The following CCDC171 variants were observed in gnomAD, a reference collection of about 807,000 sequenced individuals.
CCDC171 encodes coiled-coil domain-containing protein 171.
Under a neutral mutation model 168.2 loss-of-function variants are expected in CCDC171, and 177 were observed. That is an observed-to-expected ratio of 1.05 (90% confidence interval 0.93 to 1.19). CCDC171 has a LOEUF of 1.19. CCDC171 is among the 50% of genes most tolerant of loss of function. The pLI, the probability that CCDC171 is intolerant of heterozygous loss-of-function variation, is 0.00. For missense variants in CCDC171, 1,991 were observed against 1,539.0 expected (o/e 1.29, Z -4.91); for synonymous variants, 687 against 540.8 (o/e 1.27, Z -3.75).
the CCDC171 span, among the ~76,000 whole-genome samples, chr9:16,087,723 T>A: frequency 6.6e-6 from 1 of 152,104 alleles, no homozygotes; most frequent in African/African-American, 2.4e-5. Context: ...TGTCTTCTAA[T>A]TGGGGCATTT....
intron 7 of CCDC171, among the ~76,000 whole-genome samples, chr9:15,628,059 G>T (rs990704336): frequency 6.6e-6 from 1 of 152,090 alleles, no homozygotes; most frequent in Non-Finnish European, 1.5e-5. Context: ...CAAGATGGCC[G>T]AATAGGAACA....
intron 10 of CCDC171, 99 bp from the exon 11 acceptor site, chr9:15,695,136 T>A: frequency 1.4e-6 from 1 of 735,736 alleles, no homozygotes; most frequent in African/African-American, 1.8e-5. Flanking sequence ...TTGAATGGAA[T>A]CATTATCTTG....
intron 1 of CCDC171, 143 bp from the exon 2 acceptor site, chr9:15,563,835 A>G (rs1485296222): frequency 8.0e-6 from 3 of 376,368 alleles, no homozygotes; most frequent in Non-Finnish European, 1.4e-5. Flanking sequence ...TCTTTTGGTG[A>G]TCTTCTGAGG....
At chr9:16,029,464 G>C (rs1183751117) in intron 6 of CCDC171, among the ~76,000 whole-genome samples, 1 of 152,214 alleles carries the variant, frequency 6.6e-6, no homozygotes, top group Non-Finnish European at 1.5e-5. Flanking sequence ...GACAAAAGCT[G>C]TGTGGCCACA....
chr9:15,613,252 A>G (rs1406117222), intron 6 of CCDC171, among the ~76,000 whole-genome samples: 1 of 152,192 alleles, frequency 6.6e-6, no homozygotes, highest in Non-Finnish European at 1.5e-5. Flanking sequence ...TCTTAGTGGC[A>G]TGAAATAGAA....
At chr9:15,984,820 G>A (rs1170096679) in intron 3 of CCDC171, among the ~76,000 whole-genome samples, 2 of 151,988 alleles carry the variant, frequency 1.3e-5, no homozygotes, top group Non-Finnish European at 2.9e-5. Flanking sequence ...AGCAGAAATG[G>A]GTCAATTCTT....
At chr9:15,620,461 TAATTAG>T (rs1170858181) in intron 6 of CCDC171, among the ~76,000 whole-genome samples, 1 of 152,192 alleles carries the variant, frequency 6.6e-6, no homozygotes, top group African/African-American at 2.4e-5. Flanking sequence ...AATAGCAAGA[TAATTAG>T]AATTAGAAGT....
chr9:15,857,526 G>T (rs1435384891), intron 23 of CCDC171, among the ~76,000 whole-genome samples: 2 of 151,762 alleles, frequency 1.3e-5, no homozygotes, highest in African/African-American at 4.8e-5. Context: ...GGGTTCAAGT[G>T]ATTCTCGTTC....
In CCDC171 at chr9:15,793,451, A is replaced by T. The variant is rs149584388; in HGVS notation, c.3267+8757A>T. Among the ~76,000 whole-genome samples, 249 of 151,960 alleles carry T rather than the reference A, an allele frequency of 1.6e-3. 1 individual carries two copies. The highest frequency in any genetic ancestry group is 6.0e-3 in the African/African-American group (248 of 41,400). Reference sequence around the variant, plus strand: ...AAAAGGATATCCAGGAATTGAACTCAGCTCTGCACCAAGCGGACCTAGTAG... The same window carrying T: ...AAAAGGATATCCAGGAATTGAACTCTGCTCTGCACCAAGCGGACCTAGTAG... On this transcript the variant is annotated intron_variant, in intron 21 of 25. Coordinates refer to ENST00000380701, the MANE Select transcript of CCDC171 (RefSeq NM_173550.4).
At chr9:16,021,910 G>A (rs1833175660) in intron 4 of CCDC171, among the ~76,000 whole-genome samples, 1 of 152,208 alleles carries the variant, frequency 6.6e-6, no homozygotes, top group Admixed American at 6.5e-5. Flanking sequence ...TGTGGAATGA[G>A]GTAGAAATGT....
intron 3 of CCDC171, among the ~76,000 whole-genome samples, chr9:16,014,178 T>G (rs1230704709): frequency 6.6e-6 from 1 of 152,226 alleles, no homozygotes; most frequent in Non-Finnish European, 1.5e-5. Context: ...AATCTTTTGT[T>G]TCATTTCAGC....
At chr9:15,875,289 C>G (rs560099721) in intron 24 of CCDC171, 1 of 152,036 alleles carries the variant, frequency 6.6e-6, no homozygotes, top group East Asian at 1.9e-4. Flanking sequence ...ACTCAAATAA[C>G]TTTAAAGTAC....
chr9:15,625,731 A>G (rs900240048), intron 7 of CCDC171, among the ~76,000 whole-genome samples: 1 of 152,186 alleles, frequency 6.6e-6, no homozygotes, highest in Non-Finnish European at 1.5e-5. Context: ...CTTGTATTAT[A>G]GTTTGAAGTC....
Position 15,740,771 on chromosome 9 carries a change from G to A in CCDC171, c.2050-3502G>A, listed in dbSNP as rs187885704. Reference sequence around the variant, plus strand: ...AGAGGTTTTGTTGGTGTTTCAATATGTGGTGGGGCTGTTCCCCTCTCATTC... The same window carrying A: ...AGAGGTTTTGTTGGTGTTTCAATATATGGTGGGGCTGTTCCCCTCTCATTC... On this transcript the variant is annotated intron_variant, in intron 16 of 25. Coordinates refer to ENST00000380701, the MANE Select transcript of CCDC171 (RefSeq NM_173550.4). Among the ~76,000 whole-genome samples the A allele has an allele frequency of 5.9e-5, 9 of 152,262 alleles. No homozygotes were observed. In the East Asian group the frequency reaches 1.7e-3, roughly 29 times the overall value.
chr9:16,092,331 G>C, the CCDC171 span, among the ~76,000 whole-genome samples: 1 of 152,216 alleles, frequency 6.6e-6, no homozygotes, highest in African/African-American at 2.4e-5. Flanking sequence ...TCGAAATGCA[G>C]ATTCCAGGCT....
At position 16,005,633 on chromosome 9, in the gene CCDC171, T is replaced by C. The variant is rs184285542; in HGVS notation, n.369-14956T>C. ...AATACAAATTTTAAAAGCAATACAG[T>C]ATAGCAACTATTGACTTAGCGTTAC... is the stretch of plus-strand genomic sequence containing the variant. On this transcript the variant is annotated intron_variant and non_coding_transcript_variant, in intron 3 of 9. Coordinates refer to the CCDC171 transcript ENST00000486641. 9.8e-5 allele frequency among the ~76,000 whole-genome samples: 15 copies of C among 152,328 alleles called. No individual in the cohort carries two copies. In the East Asian group the frequency reaches 2.5e-3, roughly 25 times the overall value.
intron 24 of CCDC171, among the ~76,000 whole-genome samples, chr9:15,907,988 TAA>T (rs1822975377): frequency 6.6e-6 from 1 of 151,842 alleles, no homozygotes; most frequent in Non-Finnish European, 1.5e-5. Flanking sequence ...TGGCAATCAT[TAA>T]AAAGTCAGGA....
chr9:16,080,955 T>TA, the CCDC171 span, among the ~76,000 whole-genome samples: 1 of 152,204 alleles, frequency 6.6e-6, no homozygotes, highest in Non-Finnish European at 1.5e-5. Context: ...CAAGCTCTGA[T>TA]AAAGTTTCAT....
chr9:15,939,322 G>A (rs373938516), intron 25 of CCDC171, among the ~76,000 whole-genome samples: 64 of 151,648 alleles, frequency 4.2e-4, no homozygotes, highest in African/African-American at 1.4e-3. Context: ...GAATCCTTCA[G>A]TTGTAGAAAT....
Sources: gnomAD v4.1 joint callset for allele counts (sites outside exome capture counted in the v4.1 genomes callset) on GRCh38, gnomAD v4.1.1 for gene constraint, MANE v1.5 for transcripts, NCBI Gene and HGNC (gene_info 2026-07-23, HGNC 2026-07-21) for gene names.